The following ABCA2 variants were observed in gnomAD, a reference collection of about 807,000 sequenced individuals.
The protein encoded by ABCA2 is ATP-binding cassette sub-family A member 2.
In ABCA2, 84 loss-of-function variants were observed where a neutral mutation model predicts 262.8. The ratio of observed to expected loss-of-function variants is 0.32; its 90% CI spans 0.27 to 0.38. The LOEUF (loss-of-function observed/expected upper bound fraction) is 0.38. Among genes scored for constraint, ABCA2 ranks in the 10% least tolerant of loss-of-function variants. The pLI is 1.00. For missense variants in ABCA2, 2,662 were observed against 3,405.9 expected (o/e 0.78, Z 5.44); for synonymous variants, 1,696 against 1,502.9 (o/e 1.13, Z -2.97).
At chr9:137,022,656 G>C (rs769973571) in intron 5 of ABCA2, 46 bp downstream of exon 5, 152 of 1,583,556 alleles carry the variant, frequency 9.6e-5, no homozygotes, top group Non-Finnish European at 1.2e-4. Flanking sequence ...TGACAGCAGA[G>C]CTTTGCCCGC....
Position 137,012,501 on chromosome 9 carries a change from A to G in ABCA2, c.5171T>C (p.Val1724Ala). ...CTCGCTCACCTGGGCAGCCCTGCGCACCGCGATCTTCCGCACCATGGGTGG... is the reference window on the plus strand; with the variant it reads ...CTCGCTCACCTGGGCAGCCCTGCGCGCCGCGATCTTCCGCACCATGGGTGG... The part of the protein sequence containing the change: ...RAPPMVRKIA[V>A]RRAAQVFYNN... Residue 1724 changes from valine to alanine, a missense_variant, in exon 32 of 49, where the codon GTG (valine) becomes GCG (alanine). Physicochemically the swap from Val to Ala is moderately conservative, Grantham distance 64. Coordinates refer to ENST00000341511, the MANE Select transcript of ABCA2 (RefSeq NM_001606.5). 4 of 1,611,706 alleles carry G rather than the reference A, an allele frequency of 2.5e-6. No homozygotes were observed. The highest frequency in any genetic ancestry group is 2.5e-6 in the Non-Finnish European group (3 of 1,179,848).
rs1186968331 is a variant in ABCA2 at position 137,009,607 on chromosome 9, C to T, written c.6668G>A (p.Arg2223His). The T allele has an allele frequency of 5.6e-6, 9 of 1,612,948 alleles. No homozygotes were observed. The highest frequency in any genetic ancestry group is 7.6e-6 in the Non-Finnish European group (9 of 1,179,910). Residue 2223 changes from arginine to histidine, a missense_variant, in exon 44 of 49, where the codon CGC becomes CAC. Physicochemically the swap from Arg to His is conservative, Grantham distance 29. This residue lies in a region of ABCA2 where 602 missense variants were observed against 897.4 expected (regional missense o/e 0.67). Coordinates refer to ENST00000341511, the MANE Select transcript of ABCA2 (RefSeq NM_001606.5). Reference protein sequence around the residue: ...PTTGMDPKARRFLWNLILDLI... With the variant: ...PTTGMDPKARHFLWNLILDLI... ...GTCAAGGATGAGGTTCCAGAGGAAG[C>T]GCCGGGCCTTGGGGTCCATGCCTGT... is the stretch of plus-strand genomic sequence containing the variant.
chr9:137,024,022 C>A, intron 2 of ABCA2, 121 bp downstream of exon 2: 1 of 1,516,290 alleles, frequency 6.6e-7, no homozygotes, highest in South Asian at 1.3e-5. Flanking sequence ...CACAGGGGAG[C>A]AGGCACCGCA....
chr9:137,020,048 C>CT, intron 10 of ABCA2: 1 of 449,928 alleles, frequency 2.2e-6, no homozygotes, highest in East Asian at 4.4e-5. Flanking sequence ...TCTGGAAGGT[C>CT]TCTGGACACA....
chr9:137,028,401 C>G, upstream of ABCA2: 1 of 502,592 alleles, frequency 2.0e-6, no homozygotes, highest in Non-Finnish European at 2.6e-6. The surrounding 1 kb of genome is among the most constrained non-coding windows in gnomAD (Gnocchi z 6.9). Flanking sequence ...CGCCCGGGAC[C>G]GACCCGGGCC....
At chr9:137,020,593 C>T (rs1554738407) in intron 9 of ABCA2, 98 bp from the exon 10 acceptor site, 9 of 1,551,438 alleles carry the variant, frequency 5.8e-6, no homozygotes, top group Non-Finnish European at 6.9e-6. Flanking sequence ...GGGCACAGGG[C>T]AGGGCGCCAA....
At position 137,011,079 on chromosome 9, in the gene ABCA2, A is replaced by G. The variant is rs1198490406; in HGVS notation, c.5950T>C (p.Phe1984Leu). The change falls in exon 39 of 49, where the codon TTC becomes CTC. Residue 1984 changes from phenylalanine (F) to leucine (L), a missense_variant. Coordinates refer to ENST00000341511, the MANE Select transcript of ABCA2 (RefSeq NM_001606.5). This position sits in a 1 kb window ranked among gnomAD's most constrained non-coding sequence, Gnocchi z 8.8. The stretch of plus-strand genomic sequence containing the variant: ...CCGCGGGTGACAATGTCCCACTCGA[A>G]CGGGGACTTCATCTTGTCAAACTGG... ...IGQFDKMKSP[F>L]EWDIVTRGLV... The G allele has an allele frequency of 6.2e-7, 1 of 1,611,010 alleles. No homozygotes were observed. Among genetic ancestry groups the G allele is most frequent in the Non-Finnish European group, 8.5e-7 (1 of 1,179,260 alleles).
chr9:137,015,933 C>CGGGGGGGGGGGGGGGGGGGGGGGGGG, intron 22 of ABCA2, 29 bp downstream of exon 22: 4 of 1,500,314 alleles, frequency 2.7e-6, no homozygotes, highest in South Asian at 1.2e-5. Context: ...CTCCGCCCAC[C>CGGGGGGGGGGGGGGGGGGGGGGGGGG]TGCCCCGCCC....
intron 1 of ABCA2, among the ~76,000 whole-genome samples, chr9:137,026,961 C>T (rs1159029943): frequency 1.4e-4 from 21 of 152,234 alleles, no homozygotes; most frequent in Admixed American, 1.4e-3. Flanking sequence ...GGCCAGGTGC[C>T]CAGGGGAATT....
rs956735178 is a variant in ABCA2 at position 137,012,254 on chromosome 9, T to TGTCA, written c.5299+7_5299+10dup. 3 of 1,216,090 alleles carry TGTCA rather than the reference T, an allele frequency of 2.5e-6. No homozygotes were observed. The highest frequency in any genetic ancestry group is 2.3e-6 in the Non-Finnish European group (2 of 883,406). The allele number at this position is 1,216,090 out of a possible 1,614,324, so 75.3% of individuals were successfully genotyped here. A position where few individuals can be genotyped will look rare whatever the true frequency, so the allele number is the denominator to read the frequency against. On this transcript the variant is annotated intron_variant, in intron 33 of 48. Transcript: ENST00000341511. ...TCCCCGCCCCGCCCCGCCCTGCCTATGTCAGCTCACCGTAAGCCGCCGGGT... is the reference window on the plus strand; with the variant it reads ...TCCCCGCCCCGCCCCGCCCTGCCTATGTCAGTCAGCTCACCGTAAGCCGCCGGGT...
rs1831020593 is a variant in ABCA2 at position 137,010,988 on chromosome 9, A to T, written c.6041T>A (p.Phe2014Tyr). ...CCCCACTCACTGTGGCCGCCGCAGGAAGTTGTACTGGCACATGATGGTCAG... is the reference window on the plus strand; with the variant it reads ...CCCCACTCACTGTGGCCGCCGCAGGTAGTTGTACTGGCACATGATGGTCAG... Reference protein sequence around the residue: ...FLLTIMCQYNFLRRPQRMPVS... With the variant: ...FLLTIMCQYNYLRRPQRMPVS... Residue 2014 changes from phenylalanine to tyrosine, a missense_variant, in exon 39 of 49, where the codon TTC becomes TAC. Phe to Tyr is a conservative substitution (Grantham distance 22). Coordinates refer to ENST00000341511, the MANE Select transcript of ABCA2 (RefSeq NM_001606.5). 1 of 1,517,252 alleles carries T rather than the reference A, an allele frequency of 6.6e-7. No homozygotes were observed. The allele number at this position is 1,517,252 out of a possible 1,614,324, so 94.0% of individuals were successfully genotyped here.
intron 1 of ABCA2, among the ~76,000 whole-genome samples, chr9:137,024,656 C>T (rs1483502175): frequency 5.9e-5 from 9 of 152,242 alleles, no homozygotes; most frequent in Admixed American, 3.9e-4. Context: ...GTTCACCTTC[C>T]TCCCACTTCC....
chr9:137,019,144 C>T lies in ABCA2; in HGVS notation c.1554+34G>A, dbSNP rs200410448. The T allele has an allele frequency of 2.6e-5, 42 of 1,605,302 alleles. No individual in the cohort carries two copies. Among genetic ancestry groups the T allele is most frequent in the Non-Finnish European group, 3.4e-5 (40 of 1,174,792 alleles). On this transcript the variant is annotated intron_variant, in intron 11 of 48. Transcript: ENST00000341511. This position sits in a 1 kb window ranked among gnomAD's most constrained non-coding sequence, Gnocchi z 4.4. ...GGCAGAGAGGGGCTCCCCACACCACCCACAGCCGCCTCCCTCGCGGGCACC... is the reference window on the plus strand; with the variant it reads ...GGCAGAGAGGGGCTCCCCACACCACTCACAGCCGCCTCCCTCGCGGGCACC...
At chr9:137,018,403 G>T (rs774888633) in intron 13 of ABCA2, 52 bp from the exon 14 acceptor site, 1 of 1,276,370 alleles carries the variant, frequency 7.8e-7, no homozygotes, top group South Asian at 1.4e-5. Context: ...GGACCAAGGC[G>T]TGGTGGGGGG....
chr9:137,012,123 G>C lies in ABCA2; in HGVS notation c.5339C>G (p.Ala1780Gly), dbSNP rs1278524721. 1 of 1,612,482 alleles carries C rather than the reference G, an allele frequency of 6.2e-7. No individual in the cohort carries two copies. Among genetic ancestry groups the C allele is most frequent in the East Asian group, 2.2e-5 (1 of 44,856 alleles). The change falls in exon 34 of 49, where the codon GCC (alanine) becomes GGC (glycine). Residue 1780 changes from alanine to glycine, a missense_variant. Physicochemically the swap from Ala to Gly is moderately conservative, Grantham distance 60. Around this residue, in one of 12 missense-constraint regions of ABCA2, gnomAD observed 602 missense variants for 897.4 expected, o/e 0.67. Coordinates refer to ENST00000341511, the MANE Select transcript of ABCA2 (RefSeq NM_001606.5). ...TTACAGGTAATCCAGGGAGAGGCTG[G>C]CGCTGGTCTTATTCATGGGGTGGTT... ...VTNHPMNKTS[A>G]SLSLDYLLQG...
chr9:137,011,262 GA>G lies in ABCA2; in HGVS notation c.5846del (p.Phe1949SerfsTer32). 1 of 1,612,424 alleles carries G rather than the reference GA, an allele frequency of 6.2e-7. No homozygotes were observed. The highest frequency in any genetic ancestry group is 8.5e-7 in the Non-Finnish European group (1 of 1,179,800). On this transcript the variant is annotated frameshift_variant, in exon 38 of 49. Transcript: ENST00000341511. LOFTEE classifies it high-confidence loss of function. This position sits in a 1 kb window ranked among gnomAD's most constrained non-coding sequence, Gnocchi z 8.8. ...GCCCGTGGCCCAGGTTGTAGTTGGG[GA>G]AAATGAGGAAGCAGCTTTTCAGGTA... is the stretch of plus-strand genomic sequence containing the variant. ...NSYLKSCFLI[F>X]PNYNLGHGLM... is the part of the protein sequence containing the mutation.
intron 2 of ABCA2, 115 bp downstream of exon 2, chr9:137,024,028 C>G (rs1291735946): frequency 6.6e-7 from 1 of 1,515,474 alleles, no homozygotes; most frequent in African/African-American, 1.4e-5. Flanking sequence ...GGAGCAGGCA[C>G]CGCACCTCAG....
intron 26 of ABCA2, 41 bp from the exon 27 acceptor site, chr9:137,014,445 G>A (rs1205055484): frequency 6.5e-7 from 1 of 1,537,958 alleles, no homozygotes. Context: ...CAGGGCTACT[G>A]GCCCCTAGGC....
chr9:137,021,436 C>A lies in ABCA2; in HGVS notation c.853G>T (p.Ala285Ser), dbSNP rs757251784. 11 of 1,611,234 alleles carry A rather than the reference C, an allele frequency of 6.8e-6. No individual in the cohort carries two copies. The highest frequency in any genetic ancestry group is 1.8e-4 in the Middle Eastern group (1 of 5,670). Residue 285 changes from alanine (A) to serine (S), a missense_variant, in exon 8 of 49, where the codon GCT becomes TCT. Around this residue, in one of 12 missense-constraint regions of ABCA2, gnomAD observed 403 missense variants for 375.9 expected, o/e 1.07. Transcript: ENST00000341511. This position sits in a 1 kb window ranked among gnomAD's most constrained non-coding sequence, Gnocchi z 6.0. ...ACGTCCAGCTGGTTCCGGAGCTCAG[C>A]AGACAGCCCAGAGAAGCGCCTGGCA... ...ARARRFSGLS[A>S]ELRNQLDVAK...
Sources: gnomAD v4.1 joint callset for allele counts (sites outside exome capture counted in the v4.1 genomes callset) on GRCh38, gnomAD v4.1.1 for gene constraint, gnomAD v4.1.1 regional missense constraint, Gnocchi (gnomAD v3.1) non-coding constraint, MANE v1.5 for transcripts, NCBI Gene and HGNC (gene_info 2026-07-23, HGNC 2026-07-21) for gene names.